HKDC1: variants seen among roughly 807,000 people sequenced by gnomAD.
HKDC1 encodes hexokinase HKDC1.
In HKDC1, 66 loss-of-function variants were observed where a neutral mutation model predicts 96.6. That is an observed-to-expected ratio of 0.68 (90% CI 0.56 to 0.84). HKDC1 has a LOEUF of 0.84. Ranked by LOEUF, HKDC1 falls within the 40% of genes least tolerant of loss-of-function variation. HKDC1 has a pLI of 0.00. For synonymous variants in HKDC1, 466 were observed against 473.1 expected, an observed-to-expected ratio of 0.98 and a Z score of 0.20; for missense variants, 1,211 against 1,208.1, an observed-to-expected ratio of 1.00 and a Z score of -0.04.
In HKDC1 at chr10:69,247,562, A is replaced by G; in HGVS notation, c.1234A>G (p.Met412Val). The part of the protein sequence containing the change: ...KVERLRTTVG[M>V]DGTLYKIHPQ... ...GGAACGGCTCCGGACCACAGTGGGC[A>G]TGGACGGCACCCTCTACAAGATACA... Residue 412 changes from methionine (M) to valine (V), a missense_variant, in exon 9 of 18, where the codon ATG (methionine) becomes GTG (valine). Met to Val is a conservative substitution (Grantham distance 21). Coordinates refer to ENST00000354624, the MANE Select transcript of HKDC1 (RefSeq NM_025130.4). 5.6e-6 allele frequency: 9 copies of G among 1,614,136 alleles called. No homozygotes were observed. The highest frequency in any genetic ancestry group is 2.2e-5 in the South Asian group (2 of 91,086).
intron 6 of HKDC1, among the ~76,000 whole-genome samples, chr10:69,242,337 A>G (rs1469363311): frequency 6.6e-6 from 1 of 151,744 alleles, no homozygotes; most frequent in Non-Finnish European, 1.5e-5. Flanking sequence ...AGCTTTTTCC[A>G]AATATTACAT....
At chr10:69,245,585 TA>T (rs1843527969) in intron 7 of HKDC1, among the ~76,000 whole-genome samples, 1 of 148,398 alleles carries the variant, frequency 6.7e-6, no homozygotes, top group Non-Finnish European at 1.5e-5. Flanking sequence ...ATAATAATAA[TA>T]ATAATAATAA....
intron 16 of HKDC1, among the ~76,000 whole-genome samples, chr10:69,262,487 G>A (rs10998677): frequency 0.31 from 46,496 of 151,400 alleles, 7,771 homozygotes; most frequent in East Asian, 0.52. Context: ...ACTGCTTTTT[G>A]TGCTAGCACT....
chr10:69,252,703 T>A (rs1254094780), intron 12 of HKDC1, among the ~76,000 whole-genome samples: 1 of 150,952 alleles, frequency 6.6e-6, no homozygotes, highest in Non-Finnish European at 1.5e-5. Context: ...TGGTCCCAGC[T>A]ACTGGAGAGT....
chr10:69,236,667 C>T (rs1194259573), intron 4 of HKDC1, among the ~76,000 whole-genome samples: 2 of 151,730 alleles, frequency 1.3e-5, no homozygotes, highest in East Asian at 3.9e-4. Context: ...GTAATCCCAG[C>T]TACTCGGGAG....
chr10:69,261,831 C>G (rs1344576834), intron 16 of HKDC1, among the ~76,000 whole-genome samples: 1 of 152,242 alleles, frequency 6.6e-6, no homozygotes, highest in African/African-American at 2.4e-5. Context: ...CTCTCCCTCT[C>G]TTACTTTCCC....
Position 69,243,263 on chromosome 10 carries a change from A to G in HKDC1, c.773A>G (p.Asn258Ser), listed in dbSNP as rs757034092. Residue 258 changes from asparagine (N) to serine (S), a missense_variant, in exon 7 of 18, where the codon AAC becomes AGC. By Grantham distance (46) the Asn-to-Ser change is conservative. Transcript: ENST00000354624. ...VEGDEGRMCI[N>S]TEWGAFGDDG... ...GGCGACGAGGGCAGGATGTGCATCAACACAGAGTGGGGGGCCTTCGGGGAC... is the reference window on the plus strand; with the variant it reads ...GGCGACGAGGGCAGGATGTGCATCAGCACAGAGTGGGGGGCCTTCGGGGAC... The G allele has an allele frequency of 6.2e-7, 1 of 1,614,146 alleles. No homozygotes were observed. Among genetic ancestry groups the G allele is most frequent in the South Asian group, 1.1e-5 (1 of 91,076 alleles).
chr10:69,228,983 A>G (rs890482293), intron 2 of HKDC1, among the ~76,000 whole-genome samples: 1 of 152,198 alleles, frequency 6.6e-6, no homozygotes, highest in Non-Finnish European at 1.5e-5. Flanking sequence ...GAAAGCAAAG[A>G]AAAAGAAAGA....
intron 16 of HKDC1, among the ~76,000 whole-genome samples, chr10:69,263,049 A>G (rs1843833731): frequency 6.6e-6 from 1 of 151,908 alleles, no homozygotes; most frequent in Non-Finnish European, 1.5e-5. Context: ...TTTGATTTCT[A>G]CAGGTTTCTG....
intron 12 of HKDC1, among the ~76,000 whole-genome samples, chr10:69,253,524 G>C (rs901820269): frequency 2.0e-5 from 3 of 152,216 alleles, no homozygotes; most frequent in African/African-American, 7.2e-5. Context: ...TTTCCCATAT[G>C]AATAACCTTG....
intron 5 of HKDC1, 143 bp downstream of exon 5, chr10:69,239,280 G>T (rs1181969146): frequency 8.2e-6 from 5 of 606,096 alleles, no homozygotes; most frequent in South Asian, 3.9e-5. Flanking sequence ...CTTAGAAAAG[G>T]TCCCACTGTA....
chr10:69,231,952 C>T (rs532486551), intron 2 of HKDC1, among the ~76,000 whole-genome samples: 8 of 152,182 alleles, frequency 5.3e-5, no homozygotes, highest in South Asian at 2.1e-4. Context: ...TAAGAATTTC[C>T]GGATGTCTAC....
chr10:69,240,694 G>C lies in HKDC1; in HGVS notation c.634G>C (p.Gly212Arg), dbSNP rs1843442564. 1 of 1,614,096 alleles carries C rather than the reference G, an allele frequency of 6.2e-7. No homozygotes were observed. Among genetic ancestry groups the C allele is most frequent in the Non-Finnish European group, 8.5e-7 (1 of 1,179,986 alleles). Residue 212 changes from glycine to arginine, a missense_variant, in exon 6 of 18, where the codon GGG becomes CGG. Physicochemically the swap from Gly to Arg is moderately radical, Grantham distance 125. Transcript: ENST00000354624. ...CCTGGCCCTGGTCAATGACACCGTG[G>C]GGACCATGATGACCTGTGCCTATGA... ...DILALVNDTVGTMMTCAYDDP... is the reference protein window; with the variant it reads ...DILALVNDTVRTMMTCAYDDP...
At chr10:69,224,570 A>T (rs1366138764) in intron 1 of HKDC1, among the ~76,000 whole-genome samples, 1 of 152,238 alleles carries the variant, frequency 6.6e-6, no homozygotes, top group Non-Finnish European at 1.5e-5. Context: ...GGCGTGAGCC[A>T]CTGCGCCCGG....
At chr10:69,227,765 C>T (rs1439764842) in intron 2 of HKDC1, among the ~76,000 whole-genome samples, 1 of 152,166 alleles carries the variant, frequency 6.6e-6, no homozygotes, top group Non-Finnish European at 1.5e-5. Context: ...TGAGTCTCCA[C>T]CAAATTAACC....
intron 16 of HKDC1, among the ~76,000 whole-genome samples, chr10:69,264,537 T>C (rs1325890981): frequency 6.6e-6 from 1 of 152,064 alleles, no homozygotes; most frequent in Non-Finnish European, 1.5e-5. Flanking sequence ...GTCTGGCTCA[T>C]TTAAAATTTT....
chr10:69,236,012 A>G (rs1176077893), intron 4 of HKDC1, among the ~76,000 whole-genome samples: 1 of 152,198 alleles, frequency 6.6e-6, no homozygotes, highest in Non-Finnish European at 1.5e-5. Flanking sequence ...CACACAACCA[A>G]GAGTAGCCCA....
At chr10:69,221,133 A>G (rs1055396476) in intron 1 of HKDC1, among the ~76,000 whole-genome samples, 1 of 152,112 alleles carries the variant, frequency 6.6e-6, no homozygotes, top group African/African-American at 2.4e-5. Flanking sequence ...CTAGGGGACA[A>G]GAGTGAGACT....
chr10:69,246,113 G>A lies in HKDC1; in HGVS notation c.910G>A (p.Glu304Lys), dbSNP rs1389665361. The A allele has an allele frequency of 1.2e-6, 2 of 1,614,232 alleles. No homozygotes were observed. The highest frequency in any genetic ancestry group is 1.7e-6 in the Non-Finnish European group (2 of 1,180,046). The change falls in exon 8 of 18, where the codon GAG becomes AAG. Residue 304 changes from glutamate (E) to lysine (K), a missense_variant. By Grantham distance (56) the Glu-to-Lys change is moderately conservative (BLOSUM62 1). Transcript: ENST00000354624. ...GATGATCAGTGGCCTGTACCTGGGGGAGCTTGTCAGGCTTATCTTGCTGAA... is the reference window on the plus strand; with the variant it reads ...GATGATCAGTGGCCTGTACCTGGGGAAGCTTGTCAGGCTTATCTTGCTGAA... ...EKMISGLYLG[E>K]LVRLILLKMA...
Sources: allele counts gnomAD v4.1 joint callset (sites outside exome capture counted in the v4.1 genomes callset), GRCh38; gene constraint gnomAD v4.1.1; transcripts MANE v1.5; gene names NCBI Gene and HGNC (gene_info 2026-07-23, HGNC 2026-07-21).